Variants in ECHDC3 observed in about 807,000 individuals in gnomAD.
The protein encoded by ECHDC3 is enoyl-CoA hydratase domain containing 3.
ECHDC3 carries 20 observed loss-of-function variants against 17.9 expected under a neutral mutation model. The ratio of observed to expected loss-of-function variants is 1.12; its 90% CI spans 0.79 to 1.63. The LOEUF (loss-of-function observed/expected upper bound fraction) is 1.63. Among genes scored for constraint, ECHDC3 ranks in the 40% most tolerant of loss-of-function variants. The pLI is 0.00. For missense variants in ECHDC3, 407 were observed against 357.7 expected, an observed-to-expected ratio of 1.14 and a Z score of -1.11; for synonymous variants, 177 against 149.7, an observed-to-expected ratio of 1.18 and a Z score of -1.33.
rs553589413 is a variant in ECHDC3, at chr10:11,753,493, G to A, written c.391-1915G>A. 1.1e-4 allele frequency among the ~76,000 whole-genome samples: 16 copies of A among 152,306 alleles called. No homozygotes were observed. In the South Asian group the frequency reaches 3.1e-3, roughly 30 times the overall value. On this transcript the variant is annotated intron_variant, in intron 3 of 4. Coordinates refer to ENST00000379215, the MANE Select transcript of ECHDC3 (RefSeq NM_024693.5). Reference sequence around the variant, plus strand: ...CATTCACAGATGATGGACAGGACAGGTAGACTGTTCAACTCTAATCCCAGT... The same window carrying A: ...CATTCACAGATGATGGACAGGACAGATAGACTGTTCAACTCTAATCCCAGT...
At chr10:11,751,782 C>T (rs7917316) in intron 3 of ECHDC3, among the ~76,000 whole-genome samples, 142,122 of 152,290 alleles carry the variant, frequency 0.93, 67,162 homozygotes, top group Non-Finnish European at 1. Flanking sequence ...TCTCTACTTA[C>T]ATCCTGTTGA....
chr10:11,746,711 G>A (rs189394664), intron 1 of ECHDC3, among the ~76,000 whole-genome samples: 38 of 152,192 alleles, frequency 2.5e-4, no homozygotes, highest in Non-Finnish European at 4.4e-4. Context: ...TGAGGCAAGC[G>A]GATCACCTGA....
chr10:11,756,739 C>G (rs1198293403), intron 4 of ECHDC3, among the ~76,000 whole-genome samples: 1 of 151,646 alleles, frequency 6.6e-6, no homozygotes, highest in African/African-American at 2.4e-5. Context: ...TTACCTTAAA[C>G]TCATTCAGTA....
chr10:11,752,240 T>C lies in ECHDC3; in HGVS notation c.390+2648T>C, dbSNP rs1166327652. The C allele has an allele frequency of 1.7e-4, 26 of 150,682 alleles. No individual in the cohort carries two copies. In the Admixed American group the frequency reaches 1.7e-3, roughly 10 times the overall value. The allele number at this position is 150,682 out of a possible 1,614,324, so 9.3% of individuals were successfully genotyped here. A position where few individuals can be genotyped will look rare whatever the true frequency, so the allele number is the denominator to read the frequency against. On this transcript the variant is annotated intron_variant, in intron 3 of 4. Coordinates refer to ENST00000379215, the MANE Select transcript of ECHDC3 (RefSeq NM_024693.5). ...AATTCTCCTGCCTCAGCCTCCTGAG[T>C]AGCTGGGACTACAGGTATGCACCAC... is the stretch of plus-strand genomic sequence containing the variant.
rs1236462667 is a variant in ECHDC3 at position 11,742,641 on chromosome 10, C to T, written c.65C>T (p.Pro22Leu). 3 of 1,262,854 alleles carry T rather than the reference C, an allele frequency of 2.4e-6. No individual in the cohort carries two copies. The highest frequency in any genetic ancestry group is 1.6e-5 in the African/African-American group (1 of 64,336). 78.2% of individuals were successfully genotyped at this position (1,262,854 alleles called of 1,614,324 possible). ...GGGCCCATGTGTCTCCGGCGCGGCC[C>T]CTGGGCCCAGCTCCCCGCCCGCTTC... ...ASGPMCLRRG[P>L]WAQLPARFCS... Residue 22 changes from proline (P) to leucine (L), a missense_variant, in exon 1 of 5, where the codon CCC becomes CTC. Coordinates refer to ENST00000379215, the MANE Select transcript of ECHDC3 (RefSeq NM_024693.5).
At chr10:11,746,537 C>G (rs537588149) in intron 1 of ECHDC3, among the ~76,000 whole-genome samples, 4 of 152,180 alleles carry the variant, frequency 2.6e-5, no homozygotes, top group African/African-American at 9.6e-5. Flanking sequence ...GATGGATACC[C>G]CATCTTCCAT....
intron 4 of ECHDC3, 64 bp downstream of exon 4, chr10:11,755,672 A>T: frequency 1.4e-6 from 2 of 1,446,004 alleles, no homozygotes; most frequent in Non-Finnish European, 1.9e-6. Flanking sequence ...CCTCCAGTGC[A>T]TGCGATGATT....
chr10:11,755,596 A>G lies in ECHDC3; in HGVS notation c.579A>G (p.Ala193=), dbSNP rs752181400. 3.1e-6 allele frequency: 5 copies of G among 1,612,462 alleles called. No homozygotes were observed. The African/African-American group carries it at 5.3e-5, about 17-fold the overall frequency. ...CCCCTGGGGTTGCCTTGGCAAGAGC[A>G]GTGCCTAGAAAGGTAATTTAACTCC... The part of the protein sequence containing the change: ...CSTPGVALAR[A]VPRKVALEML... The change falls in exon 4 of 5, where the codon GCA becomes GCG. Residue 193 remains alanine, a synonymous_variant. Transcript: ENST00000379215.
rs1832703713 is a variant in ECHDC3 at position 11,742,446 on chromosome 10, C to T, written c.-131C>T. 1 of 952,064 alleles carries T rather than the reference C, an allele frequency of 1.1e-6. No individual in the cohort carries two copies. The highest frequency in any genetic ancestry group is 1.4e-6 in the Non-Finnish European group (1 of 739,438). 59.0% of individuals were successfully genotyped at this position (952,064 alleles called of 1,614,324 possible). On this transcript the variant is annotated 5_prime_UTR_variant, in exon 1 of 5. Coordinates refer to ENST00000379215, the MANE Select transcript of ECHDC3 (RefSeq NM_024693.5). ...GCCTGGGCCTGTCAGGCGGTTCCGT[C>T]CGGGTCTCGGCCACCGTCGAGTTCC...
intron 4 of ECHDC3, among the ~76,000 whole-genome samples, chr10:11,756,419 TA>T (rs1832887327): frequency 6.6e-6 from 1 of 152,258 alleles, no homozygotes; most frequent in African/African-American, 2.4e-5. Context: ...TTCTAATGTA[TA>T]TGATCTGCTT....
chr10:11,749,786 T>A (rs1217118100), intron 3 of ECHDC3, among the ~76,000 whole-genome samples, 194 bp downstream of exon 3: 1 of 2,594 alleles, frequency 3.9e-4, no homozygotes, highest in African/African-American at 4.3e-4. Flanking sequence ...TTTTTTTTTT[T>A]TTTTTTTTTT....
At chr10:11,755,300 T>C in intron 3 of ECHDC3, 108 bp from the exon 4 acceptor site, 1 of 1,034,922 alleles carries the variant, frequency 9.7e-7, no homozygotes, top group Non-Finnish European at 1.4e-6. Flanking sequence ...CACTCCATCC[T>C]GGGCAACAGA....
At chr10:11,752,782 G>A (rs1421746187) in intron 3 of ECHDC3, among the ~76,000 whole-genome samples, 1 of 152,116 alleles carries the variant, frequency 6.6e-6, no homozygotes, top group African/African-American at 2.4e-5. Context: ...TAAATGACTT[G>A]TCCAGGATTA....
chr10:11,762,721 G>C (rs971645184), intron 4 of ECHDC3, among the ~76,000 whole-genome samples: 1 of 152,178 alleles, frequency 6.6e-6, no homozygotes, highest in Non-Finnish European at 1.5e-5. Flanking sequence ...TCTACGTCTG[G>C]TCCCCAAAGA....
intron 3 of ECHDC3, 115 bp downstream of exon 3, chr10:11,749,707 G>C: frequency 1.4e-6 from 1 of 733,384 alleles, no homozygotes; most frequent in South Asian, 1.6e-5. Flanking sequence ...AACACCCAGA[G>C]CAACTGGAAA....
intron 1 of ECHDC3, among the ~76,000 whole-genome samples, chr10:11,746,214 G>A (rs908352675): frequency 6.6e-6 from 1 of 151,786 alleles, no homozygotes; most frequent in Non-Finnish European, 1.5e-5. Context: ...TGCAATCCCA[G>A]CTACTTGGGA....
rs757449467 is a variant in ECHDC3 at position 11,763,365 on chromosome 10, C to T, written c.733C>T (p.Arg245Cys). ...RIARKIASLS[R>C]PVVSLGKATF... ...CGCTAGGAAGATCGCATCGCTGAGC[C>T]GTCCGGTGGTGTCCCTGGGCAAAGC... The change falls in exon 5 of 5, where the codon CGT becomes TGT. Residue 245 changes from arginine (R) to cysteine (C), a missense_variant. Physicochemically the swap from Arg to Cys is radical, Grantham distance 180. Coordinates refer to ENST00000379215, the MANE Select transcript of ECHDC3 (RefSeq NM_024693.5). The surrounding 1 kb of genome is among the most constrained non-coding windows in gnomAD (Gnocchi z 4.9). 24 of 779,312 alleles carry T rather than the reference C, an allele frequency of 3.1e-5. No individual in the cohort carries two copies. The highest frequency in any genetic ancestry group is 2.8e-4 in the South Asian group (21 of 74,644). 48.3% of individuals were successfully genotyped at this position (779,312 alleles called of 1,614,324 possible).
Position 11,763,290 on chromosome 10 carries a change from C to A in ECHDC3, c.658C>A (p.Leu220Ile), listed in dbSNP as rs746045013. 2.6e-6 allele frequency: 2 copies of A among 780,424 alleles called. No homozygotes were observed. The highest frequency in any genetic ancestry group is 2.7e-5 in the South Asian group (2 of 74,630). The allele number at this position is 780,424 out of a possible 1,614,324, so 48.3% of individuals were successfully genotyped here. ...CCAGGAGGCCCTGCTCCACGGGCTG[C>A]TTAGCAAGGTGGTGCCAGAGGCGGA... ...SAQEALLHGL[L>I]SKVVPEAELQ... Residue 220 changes from leucine to isoleucine, a missense_variant, in exon 5 of 5, where the codon CTT becomes ATT. By Grantham distance (5) the Leu-to-Ile change is conservative. Coordinates refer to ENST00000379215, the MANE Select transcript of ECHDC3 (RefSeq NM_024693.5). This position sits in a 1 kb window ranked among gnomAD's most constrained non-coding sequence, Gnocchi z 4.9.
Position 11,763,757 on chromosome 10 carries a change from G to A in ECHDC3, c.*213G>A. On this transcript the variant is annotated 3_prime_UTR_variant, in exon 5 of 5. Coordinates refer to ENST00000379215, the MANE Select transcript of ECHDC3 (RefSeq NM_024693.5). This position sits in a 1 kb window ranked among gnomAD's most constrained non-coding sequence, Gnocchi z 4.9. ...GAGGTGCTGACCTCAGTGCAAGGCT[G>A]GTGAACCCTGCAGCGGGCCAGCTAT... 1 of 1,358,218 alleles carries A rather than the reference G, an allele frequency of 7.4e-7. No homozygotes were observed. The highest frequency in any genetic ancestry group is 9.5e-7 in the Non-Finnish European group (1 of 1,056,988). 84.1% of individuals were successfully genotyped at this position (1,358,218 alleles called of 1,614,324 possible).
Sources: allele counts gnomAD v4.1 joint callset (sites outside exome capture counted in the v4.1 genomes callset), GRCh38; gene constraint gnomAD v4.1.1; non-coding constraint Gnocchi (gnomAD v3.1); transcripts MANE v1.5; gene names NCBI Gene and HGNC (gene_info 2026-07-23, HGNC 2026-07-21).